Variants in SHPRH observed in about 807,000 individuals in gnomAD.
SHPRH encodes the protein SNF2 histone linker PHD RING helicase, also known as E3 ubiquitin-protein ligase SHPRH.
SHPRH carries 106 observed loss-of-function variants against 202.5 expected under a neutral mutation model. The observed-to-expected ratio is 0.52, with a 90% confidence interval of 0.45 to 0.62. The LOEUF is 0.62. Ranked by LOEUF, SHPRH falls within the 20% of genes least tolerant of loss-of-function variation. SHPRH has a pLI of 0.00. For missense variants in SHPRH, 1,710 were observed against 2,020.0 expected (o/e 0.85, Z 2.94); for synonymous variants, 729 against 686.0 (o/e 1.06, Z -0.98).
intron 14 of SHPRH, among the ~76,000 whole-genome samples, chr6:145,931,324 T>G (rs1785417312): frequency 6.6e-6 from 1 of 151,918 alleles, no homozygotes; most frequent in South Asian, 2.1e-4. Context: ...TTCTTTTTTT[T>G]GAAGATTTTT....
intron 8 of SHPRH, among the ~76,000 whole-genome samples, chr6:145,944,230 G>A (rs1229920930): frequency 1.3e-5 from 2 of 152,120 alleles, no homozygotes; most frequent in African/African-American, 4.8e-5. Flanking sequence ...TTAGCAAATT[G>A]ATTCCTTCTT....
chr6:145,946,859 T>A lies in SHPRH; in HGVS notation c.1213-518A>T, dbSNP rs540768644. ...CTGGTGGGTCCTAGAGGTAATTAAT[T>A]ATAATTATACCTTTAACTACTGACT... On this transcript the variant is annotated intron_variant, in intron 6 of 29. Transcript: ENST00000275233. Among the ~76,000 whole-genome samples, 10 of 152,118 alleles carry A rather than the reference T, an allele frequency of 6.6e-5. No individual in the cohort carries two copies. In the South Asian group the frequency reaches 2.1e-3, roughly 32 times the overall value.
intron 28 of SHPRH, among the ~76,000 whole-genome samples, chr6:145,888,314 C>G (rs982508889): frequency 6.6e-6 from 1 of 151,952 alleles, no homozygotes; most frequent in South Asian, 2.1e-4. Context: ...AAGAGTAAGA[C>G]GGTTTCAGGT....
At chr6:145,918,826 T>C (rs946241644) in intron 22 of SHPRH, 1 of 152,758 alleles carries the variant, frequency 6.5e-6, no homozygotes, top group Non-Finnish European at 1.5e-5. Flanking sequence ...AAAAATGAAT[T>C]ATAAAGGAAA....
intron 4 of SHPRH, among the ~76,000 whole-genome samples, chr6:145,948,920 T>C (rs1350234432): frequency 6.6e-6 from 1 of 152,036 alleles, no homozygotes; most frequent in East Asian, 1.9e-4. Context: ...TTTTAACTTA[T>C]TTAAACCAAC....
intron 23 of SHPRH, chr6:145,917,922 G>A (rs1005339494): frequency 3.6e-5 from 14 of 384,890 alleles, no homozygotes; most frequent in Non-Finnish European, 6.5e-5. Context: ...TCGAGTGCAT[G>A]CCTTCTATAT....
chr6:145,958,680 C>G (rs75830974), intron 1 of SHPRH, among the ~76,000 whole-genome samples: 180 of 152,232 alleles, frequency 1.2e-3, no homozygotes, highest in African/African-American at 4.1e-3. Context: ...TAGTTATTGG[C>G]TGCATGTGAC....
intron 15 of SHPRH, 56 bp downstream of exon 15, chr6:145,927,133 T>C (rs1784952579): frequency 2.3e-5 from 35 of 1,499,766 alleles, no homozygotes; most frequent in Non-Finnish European, 3.0e-5. Context: ...TTCAGAAAAA[T>C]TATTTTGTTA....
intron 23 of SHPRH, among the ~76,000 whole-genome samples, chr6:145,914,763 C>T (rs1783803596): frequency 6.6e-6 from 1 of 152,088 alleles, no homozygotes; most frequent in South Asian, 2.1e-4. Flanking sequence ...TTCTATTAAA[C>T]TTTTAGGGAT....
intron 17 of SHPRH, among the ~76,000 whole-genome samples, chr6:145,924,237 G>C (rs1784674789): frequency 6.6e-6 from 1 of 151,784 alleles, no homozygotes; most frequent in South Asian, 2.1e-4. Flanking sequence ...ACTAAATAAT[G>C]AATGAATTAG....
At chr6:145,874,127 A>G (rs537983798) in intron 2 of SHPRH, among the ~76,000 whole-genome samples, 1 of 152,062 alleles carries the variant, frequency 6.6e-6, no homozygotes, top group Admixed American at 6.5e-5. Context: ...GAATTCAGGA[A>G]GAGGAGGTTG....
At chr6:145,942,042 T>C (rs1786839396) in intron 9 of SHPRH, among the ~76,000 whole-genome samples, 168 bp from the exon 10 acceptor site, 1 of 152,190 alleles carries the variant, frequency 6.6e-6, no homozygotes, top group Non-Finnish European at 1.5e-5. Flanking sequence ...GTGTGGAAGA[T>C]GAATTACATA....
At chr6:145,896,544 T>A (rs1782025407) in intron 25 of SHPRH, among the ~76,000 whole-genome samples, 1 of 152,066 alleles carries the variant, frequency 6.6e-6, no homozygotes, top group African/African-American at 2.4e-5. Context: ...TTTGCTTTTA[T>A]CAAAGACTGG....
intron 6 of SHPRH, 90 bp downstream of exon 6, chr6:145,947,403 T>TC: frequency 7.1e-7 from 1 of 1,413,476 alleles, no homozygotes; most frequent in Non-Finnish European, 9.6e-7. Flanking sequence ...ACAGAAAGTG[T>TC]TGACTTAAGT....
intron 25 of SHPRH, chr6:145,907,696 TCTC>T (rs1339915952): frequency 1.3e-5 from 2 of 152,144 alleles, no homozygotes; most frequent in Non-Finnish European, 2.9e-5. Flanking sequence ...CAACCTATTC[TCTC>T]CTCAGGCTGA....
At chr6:145,858,104 C>T in the SHPRH span, among the ~76,000 whole-genome samples, 1 of 152,044 alleles carries the variant, frequency 6.6e-6, no homozygotes, top group South Asian at 2.1e-4. Context: ...AACATTCATA[C>T]TTTTTTGTGT....
chr6:145,862,265 T>C (rs1025289425), downstream of SHPRH, among the ~76,000 whole-genome samples: 4 of 151,504 alleles, frequency 2.6e-5, no homozygotes, highest in Non-Finnish European at 4.4e-5. Context: ...ATTGAGACCA[T>C]GGTGAAACCC....
intron 11 of SHPRH, chr6:145,935,903 C>T (rs1288909687): frequency 6.5e-6 from 1 of 153,144 alleles, no homozygotes; most frequent in African/African-American, 2.4e-5. Context: ...TCTAATAATT[C>T]TCCTAGAAAA....
chr6:145,893,907 C>T (rs112440409), intron 27 of SHPRH, among the ~76,000 whole-genome samples: 3 of 150,920 alleles, frequency 2.0e-5, no homozygotes, highest in Non-Finnish European at 4.4e-5. Flanking sequence ...GCAATCTTTT[C>T]CTGTACTAAA....
Sources: gnomAD v4.1 joint callset for allele counts (sites outside exome capture counted in the v4.1 genomes callset) on GRCh38, gnomAD v4.1.1 for gene constraint, MANE v1.5 for transcripts, NCBI Gene and HGNC (gene_info 2026-07-23, HGNC 2026-07-21) for gene names.